Variants in MED12L observed in about 807,000 individuals in gnomAD.
MED12L encodes the protein mediator complex subunit 12L.
A neutral mutation model predicts 281.3 loss-of-function variants in MED12L; 60 were observed. That is an observed-to-expected ratio of 0.21 (90% CI 0.17 to 0.26). The LOEUF (loss-of-function observed/expected upper bound fraction) is 0.26, where lower values mean the gene tolerates loss of function less well. Among genes scored for constraint, MED12L ranks in the 10% least tolerant of loss-of-function variants. The pLI, the probability that MED12L is intolerant of heterozygous loss-of-function variation, is 1.00. For missense variants in MED12L, 2,146 were observed against 2,680.9 expected (o/e 0.80, Z 4.41); for synonymous variants, 974 against 987.2 (o/e 0.99, Z 0.25).
At chr3:151,179,996 A>T (rs1466232618) in intron 11 of MED12L, among the ~76,000 whole-genome samples, 2 of 152,210 alleles carry the variant, frequency 1.3e-5, no homozygotes, top group Non-Finnish European at 2.9e-5. Context: ...GGCAGGTTTT[A>T]TGATATTTAA....
chr3:151,144,228 A>T (rs1295364040), intron 5 of MED12L, among the ~76,000 whole-genome samples: 1 of 152,170 alleles, frequency 6.6e-6, no homozygotes, highest in Non-Finnish European at 1.5e-5. Context: ...TTAGCTTGAG[A>T]TGCATGTACA....
At chr3:151,304,958 A>T (rs907076967) in intron 16 of MED12L, among the ~76,000 whole-genome samples, 1 of 152,102 alleles carries the variant, frequency 6.6e-6, no homozygotes, top group Admixed American at 6.5e-5. Context: ...TTATGCTGAG[A>T]TGGCTGTGTG....
At chr3:151,187,458 T>C (rs1723433736) in intron 12 of MED12L, among the ~76,000 whole-genome samples, 1 of 152,188 alleles carries the variant, frequency 6.6e-6, no homozygotes, top group Non-Finnish European at 1.5e-5. Context: ...AAATAATTGA[T>C]TTTTTGTTAA....
intron 5 of MED12L, among the ~76,000 whole-genome samples, chr3:151,152,085 G>GC (rs1269821388): frequency 1.6e-5 from 1 of 62,984 alleles, no homozygotes; most frequent in African/African-American, 6.3e-5. Context: ...GTTGAAGGTG[G>GC]TTTTTTTTTT....
intron 16 of MED12L, chr3:151,338,828 G>T (rs6785930): frequency 6.2e-7 from 1 of 1,613,220 alleles, no homozygotes; most frequent in South Asian, 1.1e-5. Flanking sequence ...CAGAGGTGAG[G>T]TTGTCGACGG....
rs1156949739 is a variant in MED12L at position 151,394,698 on chromosome 3, A to G, written c.5651A>G (p.Asn1884Ser). Residue 1884 changes from asparagine to serine, a missense_variant, in exon 39 of 45, where the codon AAC (asparagine) becomes AGC (serine). Coordinates refer to ENST00000687756, the MANE Select transcript of MED12L (RefSeq NM_001393769.1). ...CCTGCAGGCTCCTTTGTCCCAACCAACACCAAACAAGCTCTGTCAAACATG... is the reference window on the plus strand; with the variant it reads ...CCTGCAGGCTCCTTTGTCCCAACCAGCACCAAACAAGCTCTGTCAAACATG... ...LDPAGSFVPT[N>S]TKQALSNMLQ... 6.2e-7 allele frequency: 1 copy of G among 1,614,144 alleles called. No homozygotes were observed. Among genetic ancestry groups the G allele is most frequent in the Non-Finnish European group, 8.5e-7 (1 of 1,180,044 alleles).
intron 16 of MED12L, among the ~76,000 whole-genome samples, chr3:151,319,466 TGC>T (rs58289265): frequency 0.066 from 6,650 of 100,636 alleles, 245 homozygotes; most frequent in East Asian, 0.21. Context: ...TGTGTGTGTG[TGC>T]GTGTGTGTGT....
At chr3:151,253,651 T>C (rs1480335687) in intron 16 of MED12L, among the ~76,000 whole-genome samples, 1 of 152,170 alleles carries the variant, frequency 6.6e-6, no homozygotes, top group Non-Finnish European at 1.5e-5. Flanking sequence ...TTTTTTCTTT[T>C]TTTGTGAGGG....
At chr3:151,210,366 G>A (rs1401139063) in intron 16 of MED12L, among the ~76,000 whole-genome samples, 1 of 152,194 alleles carries the variant, frequency 6.6e-6, no homozygotes, top group African/African-American at 2.4e-5. Flanking sequence ...CAAAGAAGAC[G>A]GAGGCTGAAG....
intron 16 of MED12L, among the ~76,000 whole-genome samples, chr3:151,249,314 G>A (rs1736389732): frequency 6.6e-6 from 1 of 152,208 alleles, no homozygotes; most frequent in South Asian, 2.1e-4. Flanking sequence ...TGTATTTATT[G>A]GGAAGTATTT....
intron 16 of MED12L, among the ~76,000 whole-genome samples, chr3:151,341,324 A>G (rs1176962590): frequency 6.6e-6 from 1 of 152,118 alleles, no homozygotes; most frequent in African/African-American, 2.4e-5. Flanking sequence ...TACATTAGAG[A>G]AGTGATTGTA....
chr3:151,329,431 ATTC>A, intron 16 of MED12L: 1 of 1,196,312 alleles, frequency 8.4e-7, no homozygotes, highest in Non-Finnish European at 1.2e-6. Context: ...CCTTAAGCAT[ATTC>A]TTTTATATAA....
At chr3:151,166,099 C>A in intron 11 of MED12L, 117 bp downstream of exon 11, 1 of 772,932 alleles carries the variant, frequency 1.3e-6, no homozygotes, top group Non-Finnish European at 2.0e-6. Flanking sequence ...CTTATGAAGA[C>A]ATACACACTT....
chr3:151,338,320 A>G, intron 16 of MED12L: 1 of 1,614,154 alleles, frequency 6.2e-7, no homozygotes, highest in Non-Finnish European at 8.5e-7. Flanking sequence ...TTAAGGAAAG[A>G]GCATTTCTTC....
At chr3:151,265,337 T>G (rs2149519021) in intron 16 of MED12L, among the ~76,000 whole-genome samples, 1 of 152,336 alleles carries the variant, frequency 6.6e-6, no homozygotes, top group East Asian at 1.9e-4. Context: ...AACTGTTGAG[T>G]TTATTTTTCC....
chr3:151,198,211 A>G, intron 16 of MED12L: 3 of 411,014 alleles, frequency 7.3e-6, no homozygotes, highest in Non-Finnish European at 1.3e-5. Flanking sequence ...AGTTTTTTGT[A>G]CAAATATTTG....
At chr3:151,218,866 C>CAAAAAAA (rs397686351) in intron 16 of MED12L, among the ~76,000 whole-genome samples, 3 of 71,334 alleles carry the variant, frequency 4.2e-5, no homozygotes, top group Non-Finnish European at 8.4e-5. Flanking sequence ...GACTCAGTCT[C>CAAAAAAA]AAAAAAAAAA....
intron 16 of MED12L, among the ~76,000 whole-genome samples, chr3:151,285,510 A>G (rs909683313): frequency 2.0e-5 from 3 of 151,700 alleles, no homozygotes; most frequent in Non-Finnish European, 2.9e-5. Context: ...AAAGAATAAT[A>G]CAGTGGTCTT....
chr3:151,119,176 G>A (rs943293384), intron 3 of MED12L, among the ~76,000 whole-genome samples: 11 of 152,116 alleles, frequency 7.2e-5, no homozygotes, highest in Non-Finnish European at 1.3e-4. Flanking sequence ...AATTTCTCAT[G>A]GTTATGTATA....
Sources: gnomAD v4.1 joint callset for allele counts (sites outside exome capture counted in the v4.1 genomes callset) on GRCh38, gnomAD v4.1.1 for gene constraint, MANE v1.5 for transcripts, NCBI Gene and HGNC (gene_info 2026-07-23, HGNC 2026-07-21) for gene names.